GRIN2B: variants seen among roughly 807,000 people sequenced by gnomAD.
GRIN2B encodes the protein glutamate ionotropic receptor NMDA type subunit 2B, also known as glutamate receptor ionotropic, NMDA 2B.
GRIN2B carries 5 observed loss-of-function variants against 114.5 expected under a neutral mutation model. The ratio of observed to expected loss-of-function variants is 0.04; its 90% CI spans 0.02 to 0.09. The LOEUF (loss-of-function observed/expected upper bound fraction) is 0.09, where lower values mean the gene tolerates loss of function less well. Among genes scored for constraint, GRIN2B ranks in the 10% least tolerant of loss-of-function variants. The pLI, the probability that GRIN2B is intolerant of heterozygous loss-of-function variation, is 1.00. For synonymous variants in GRIN2B, 787 were observed against 745.1 expected (o/e 1.06, Z -0.92); for missense variants, 1,108 against 1,943.5 (o/e 0.57, Z 8.08).
intron 3 of GRIN2B, among the ~76,000 whole-genome samples, chr12:13,841,634 A>G (rs1865380184): frequency 6.6e-6 from 1 of 152,170 alleles, no homozygotes; most frequent in Non-Finnish European, 1.5e-5. Context: ...CTTAGAAGCA[A>G]TTTCCTTGGA....
At chr12:13,871,072 A>G (rs1421041796) in intron 2 of GRIN2B, among the ~76,000 whole-genome samples, 1 of 152,204 alleles carries the variant, frequency 6.6e-6, no homozygotes, top group East Asian at 1.9e-4. Context: ...TTTCATGTAT[A>G]AGGCAACAAC....
chr12:13,842,256 C>T (rs1463757988), intron 3 of GRIN2B, among the ~76,000 whole-genome samples: 2 of 152,176 alleles, frequency 1.3e-5, no homozygotes, highest in African/African-American at 4.8e-5. Context: ...AAATTATTTG[C>T]TTTCATTTTT....
chr12:13,835,853 T>A (rs2136708671), intron 3 of GRIN2B, among the ~76,000 whole-genome samples: 1 of 146,754 alleles, frequency 6.8e-6, no homozygotes, highest in South Asian at 2.2e-4. Context: ...CCATGGCAAC[T>A]CTGAATCTCC....
At chr12:13,762,020 T>C (rs563358860) in intron 3 of GRIN2B, among the ~76,000 whole-genome samples, 3 of 152,274 alleles carry the variant, frequency 2.0e-5, no homozygotes, top group African/African-American at 7.2e-5. Flanking sequence ...TTTTCTTTTT[T>C]TGGAAGGGAG....
intron 2 of GRIN2B, among the ~76,000 whole-genome samples, chr12:13,886,570 C>G (rs147790919): frequency 0.012 from 1,756 of 152,222 alleles, 14 homozygotes; most frequent in Non-Finnish European, 0.015. Flanking sequence ...CAAAGAGAAA[C>G]AGAAATGGCA....
intron 4 of GRIN2B, 118 bp from the exon 5 acceptor site, chr12:13,675,977 T>C: frequency 2.9e-6 from 2 of 688,750 alleles, no homozygotes; most frequent in East Asian, 2.7e-5. Flanking sequence ...GAAATACAGA[T>C]ACCATTATCA....
chr12:13,886,741 C>A (rs1388332136), intron 2 of GRIN2B, among the ~76,000 whole-genome samples: 1 of 152,184 alleles, frequency 6.6e-6, no homozygotes, highest in East Asian at 1.9e-4. Context: ...CTATAATAAA[C>A]CTCCTAATGC....
At chr12:13,775,149 T>A (rs1376255253) in intron 3 of GRIN2B, among the ~76,000 whole-genome samples, 1 of 152,158 alleles carries the variant, frequency 6.6e-6, no homozygotes, top group Admixed American at 6.6e-5. Flanking sequence ...TCGGCAGATA[T>A]CTATCAAGTA....
intron 5 of GRIN2B, among the ~76,000 whole-genome samples, chr12:13,622,425 G>A (rs1200715534): frequency 1.3e-5 from 2 of 152,222 alleles, no homozygotes; most frequent in Admixed American, 6.5e-5. Context: ...GCAGAAATCC[G>A]AGGACAGGAG....
chr12:13,562,284 G>C lies in GRIN2B; in HGVS notation c.*499C>G, dbSNP rs1322382032. ...TAGACAGATGTCATCTAAGCAGCAT[G>C]AATTTAGCCAGAGCCTCTTTCCTTT... is the stretch of plus-strand genomic sequence containing the variant. On this transcript the variant is annotated 3_prime_UTR_variant, in exon 14 of 14. Coordinates refer to ENST00000609686, the MANE Select transcript of GRIN2B (RefSeq NM_000834.5). 7 of 162,546 alleles carry C rather than the reference G, an allele frequency of 4.3e-5. No individual in the cohort carries two copies. Among genetic ancestry groups the C allele is most frequent in the Non-Finnish European group, 9.5e-5 (7 of 73,980 alleles). 10.1% of individuals were successfully genotyped at this position (162,546 alleles called of 1,614,324 possible).
At chr12:13,808,790 G>A (rs1864670773) in intron 3 of GRIN2B, among the ~76,000 whole-genome samples, 2 of 148,484 alleles carry the variant, frequency 1.3e-5, no homozygotes, top group African/African-American at 4.9e-5. Flanking sequence ...ATAAAAGAAT[G>A]ACTGAGGGGG....
At chr12:13,672,286 A>C (rs1301531487) in intron 5 of GRIN2B, among the ~76,000 whole-genome samples, 3 of 152,142 alleles carry the variant, frequency 2.0e-5, no homozygotes, top group African/African-American at 7.2e-5. Flanking sequence ...TAGTGGCCTG[A>C]CCAGTGGCTG....
chr12:13,663,204 C>T (rs1949941523), intron 5 of GRIN2B, among the ~76,000 whole-genome samples: 1 of 152,172 alleles, frequency 6.6e-6, no homozygotes, highest in African/African-American at 2.4e-5. Context: ...TCACCGCCAT[C>T]CCCTTTATGT....
chr12:13,737,994 G>A (rs999993115), intron 4 of GRIN2B, among the ~76,000 whole-genome samples: 42 of 152,146 alleles, frequency 2.8e-4, no homozygotes, highest in Admixed American at 2.2e-3. Flanking sequence ...GATTGGGCTC[G>A]GTCAGAACCA....
Position 13,544,796 on chromosome 12 carries a change from T to C in GRIN2B, c.*17987A>G, listed in dbSNP as rs1009458876. On this transcript the variant is annotated 3_prime_UTR_variant, in exon 14 of 14. Transcript: ENST00000609686. ...CTTATCACCTCCCCTGCTAACATCATGGCCCAAGCAACTATGATCTCTTAC... is the reference window on the plus strand; with the variant it reads ...CTTATCACCTCCCCTGCTAACATCACGGCCCAAGCAACTATGATCTCTTAC... The C allele has an allele frequency of 6.6e-6, 1 of 152,258 alleles. No individual in the cohort carries two copies. 9.4% of individuals were successfully genotyped at this position (152,258 alleles called of 1,614,324 possible). A position where few individuals can be genotyped will look rare whatever the true frequency, so the allele number is the denominator to read the frequency against.
intron 5 of GRIN2B, among the ~76,000 whole-genome samples, chr12:13,650,439 CA>C (rs1423033478): frequency 2.6e-5 from 4 of 152,006 alleles, no homozygotes; most frequent in Non-Finnish European, 5.9e-5. Flanking sequence ...TTCAGCAGAC[CA>C]TAGTGTGTGC....
At chr12:13,639,012 C>T (rs1949688615) in intron 5 of GRIN2B, among the ~76,000 whole-genome samples, 2 of 152,134 alleles carry the variant, frequency 1.3e-5, no homozygotes, top group South Asian at 4.1e-4. Context: ...TCCTATCTCT[C>T]AAGCCCTGAG....
At chr12:13,861,226 T>C (rs1865746281) in intron 3 of GRIN2B, among the ~76,000 whole-genome samples, 1 of 152,234 alleles carries the variant, frequency 6.6e-6, no homozygotes, top group Admixed American at 6.5e-5. Flanking sequence ...CAGAATTGTA[T>C]AATAGAAAGC....
intron 4 of GRIN2B, among the ~76,000 whole-genome samples, chr12:13,721,277 A>G (rs1046602359): frequency 6.6e-6 from 1 of 152,044 alleles, no homozygotes; most frequent in Non-Finnish European, 1.5e-5. Flanking sequence ...AAAGTAAGGC[A>G]GGGAAGGTGT....
Sources: gnomAD v4.1 joint callset for allele counts (sites outside exome capture counted in the v4.1 genomes callset) on GRCh38, gnomAD v4.1.1 for gene constraint, MANE v1.5 for transcripts, NCBI Gene and HGNC (gene_info 2026-07-23, HGNC 2026-07-21) for gene names.